The following HDAC9 variants were observed in gnomAD, a reference collection of about 807,000 sequenced individuals.
HDAC9 encodes the protein MEF-2 interacting transcription repressor (MITR) protein.
Under a neutral mutation model 139.4 loss-of-function variants are expected in HDAC9, and 41 were observed. The ratio of observed to expected loss-of-function variants is 0.29; its 90% CI spans 0.23 to 0.38. The LOEUF (loss-of-function observed/expected upper bound fraction) is 0.38, where lower values mean the gene tolerates loss of function less well. Ranked by LOEUF, HDAC9 falls within the 10% of genes least tolerant of loss-of-function variation. The pLI is 1.00. For missense variants in HDAC9, 1,147 were observed against 1,297.0 expected, an observed-to-expected ratio of 0.88 and a Z score of 1.78; for synonymous variants, 517 against 476.2, an observed-to-expected ratio of 1.09 and a Z score of -1.12.
At chr7:18,990,461 C>G (rs1407846303) in intron 25 of HDAC9, among the ~76,000 whole-genome samples, 1 of 152,232 alleles carries the variant, frequency 6.6e-6, no homozygotes, top group Non-Finnish European at 1.5e-5. Flanking sequence ...TGCTGTCAGA[C>G]AGGGACATTT....
chr7:18,327,957 C>A (rs1391870152), intron 1 of HDAC9, among the ~76,000 whole-genome samples: 1 of 151,834 alleles, frequency 6.6e-6, no homozygotes, highest in African/African-American at 2.4e-5. Flanking sequence ...TGGCTTTCAG[C>A]AATAGGCTGC....
chr7:18,173,591 C>T (rs570923886), intron 2 of HDAC9, among the ~76,000 whole-genome samples: 4 of 152,222 alleles, frequency 2.6e-5, no homozygotes, highest in South Asian at 2.1e-4. Context: ...TGGCTGGTAC[C>T]GGTTTTTCCT....
intron 12 of HDAC9, among the ~76,000 whole-genome samples, chr7:18,692,482 C>G (rs963101776): frequency 6.6e-5 from 10 of 152,090 alleles, no homozygotes; most frequent in African/African-American, 9.7e-5. Context: ...CTCCTCATAT[C>G]TCAGACTTTA....
intron 1 of HDAC9, among the ~76,000 whole-genome samples, chr7:18,395,337 G>A (rs991626310): frequency 3.3e-5 from 5 of 152,102 alleles, no homozygotes; most frequent in Non-Finnish European, 5.9e-5. Flanking sequence ...ATGAGATAAT[G>A]TGTGAAAATG....
At chr7:18,331,636 TA>T (rs1156965900) in intron 1 of HDAC9, among the ~76,000 whole-genome samples, 2 of 149,420 alleles carry the variant, frequency 1.3e-5, no homozygotes, top group Non-Finnish European at 3.0e-5. Flanking sequence ...AAAAAAATTT[TA>T]AAAAAAGAAG....
rs1429992210 is a variant in HDAC9 at position 18,137,716 on chromosome 7, A to T, written c.-96-24513A>T. On this transcript the variant is annotated intron_variant, in intron 1 of 12. Transcript: ENST00000417496. ...GCTGGATTCGTTTTGCCAGTATTTT[A>T]TTGAGAATTTTTGCATCAATGTTCA... 7.2e-5 allele frequency among the ~76,000 whole-genome samples: 11 copies of T among 152,162 alleles called. No homozygotes were observed. In the East Asian group the frequency reaches 2.1e-3, roughly 29 times the overall value.
intron 13 of HDAC9, among the ~76,000 whole-genome samples, chr7:18,737,483 C>T (rs905083329): frequency 2.6e-5 from 4 of 151,848 alleles, no homozygotes; most frequent in Admixed American, 6.6e-5. Flanking sequence ...GCCTTTTTTT[C>T]GTTATTTACC....
intron 2 of HDAC9, among the ~76,000 whole-genome samples, chr7:18,567,192 G>A (rs1822632528): frequency 1.3e-5 from 2 of 152,130 alleles, no homozygotes; most frequent in East Asian, 1.9e-4. Flanking sequence ...AACCGCCTAC[G>A]TAAATCTAAC....
intron 22 of HDAC9, among the ~76,000 whole-genome samples, chr7:18,875,398 G>A (rs1215746791): frequency 6.6e-6 from 1 of 152,116 alleles, no homozygotes; most frequent in Non-Finnish European, 1.5e-5. Flanking sequence ...TTGCAAAGCA[G>A]ACAACAACAA....
intron 2 of HDAC9, among the ~76,000 whole-genome samples, chr7:18,223,649 T>TTA (rs1367987330): frequency 6.6e-6 from 1 of 152,146 alleles, no homozygotes; most frequent in African/African-American, 2.4e-5. Context: ...TTTTTTTAAT[T>TTA]GTTAAATATT....
chr7:18,619,507 G>A (rs1269424406), intron 6 of HDAC9, among the ~76,000 whole-genome samples: 1 of 152,150 alleles, frequency 6.6e-6, no homozygotes, highest in African/African-American at 2.4e-5. Context: ...AGTGTTTTGA[G>A]GTTAGGAAGT....
chr7:18,945,009 A>G (rs1208032251), intron 23 of HDAC9, among the ~76,000 whole-genome samples: 3 of 152,144 alleles, frequency 2.0e-5, no homozygotes, highest in African/African-American at 7.2e-5. Context: ...TGTGATGGAC[A>G]TTTTATATGT....
At position 18,410,728 on chromosome 7, in the gene HDAC9, A is replaced by C. The variant is rs901095580; in HGVS notation, c.-41-85534A>C. 2.6e-5 allele frequency among the ~76,000 whole-genome samples: 4 copies of C among 152,186 alleles called. No individual in the cohort carries two copies. The East Asian group carries it at 7.7e-4, about 29-fold the overall frequency. On this transcript the variant is annotated intron_variant, in intron 1 of 3. Coordinates refer to the HDAC9 transcript ENST00000413509. ...AAAGGATATATTGTGTCAGGAAAGA[A>C]GAATCATCAACTCTTTTGACCCAGT...
chr7:18,701,547 G>T (rs148968893), intron 12 of HDAC9, among the ~76,000 whole-genome samples: 2 of 151,878 alleles, frequency 1.3e-5, no homozygotes, highest in African/African-American at 4.8e-5. Context: ...GTTAATGTCC[G>T]TTAGATATAT....
intron 1 of HDAC9, among the ~76,000 whole-genome samples, chr7:18,356,767 G>A (rs1029809374): frequency 2.0e-5 from 3 of 152,092 alleles, no homozygotes; most frequent in South Asian, 2.1e-4. Context: ...TCTTCAGATC[G>A]CATCGGAAGA....
chr7:18,158,640 A>G (rs1787398004), intron 1 of HDAC9, among the ~76,000 whole-genome samples: 1 of 152,210 alleles, frequency 6.6e-6, no homozygotes, highest in Non-Finnish European at 1.5e-5. Flanking sequence ...ATTCGGTATA[A>G]CCCAAAGGGC....
intron 1 of HDAC9, among the ~76,000 whole-genome samples, chr7:18,136,147 GTTGT>G (rs1232466384): frequency 2.7e-5 from 4 of 149,814 alleles, no homozygotes; most frequent in African/African-American, 1.0e-4. Context: ...TTTTGATGGG[GTTGT>G]TTGTTTTTTT....
chr7:18,639,220 AGTT>A (rs1406082822), intron 8 of HDAC9, among the ~76,000 whole-genome samples: 1 of 152,022 alleles, frequency 6.6e-6, no homozygotes. Context: ...GTTTCATAAT[AGTT>A]GTTGTGACAT....
chr7:18,454,648 T>C (rs1226540510), intron 1 of HDAC9, among the ~76,000 whole-genome samples: 1 of 152,086 alleles, frequency 6.6e-6, no homozygotes. Context: ...TTGCTCACCA[T>C]GTGAAGAACC....
Sources: allele counts gnomAD v4.1 joint callset (sites outside exome capture counted in the v4.1 genomes callset), GRCh38; gene constraint gnomAD v4.1.1; transcripts MANE v1.5; gene names NCBI Gene and HGNC (gene_info 2026-07-23, HGNC 2026-07-21).